The following RAB10 variants were observed in gnomAD, a reference collection of about 807,000 sequenced individuals.
RAB10 encodes RAB10, member RAS oncogene family.
A neutral mutation model predicts 25.7 loss-of-function variants in RAB10; 5 were observed. The ratio of observed to expected loss-of-function variants is 0.19; its 90% CI spans 0.10 to 0.41. The LOEUF is 0.41. RAB10 is among the 10% of genes least tolerant of loss of function. The probability of loss-of-function intolerance (pLI) is 1.00; values close to 1 mark genes in which losing one functional copy is unlikely to be tolerated. For missense variants in RAB10, 103 were observed against 245.8 expected (o/e 0.42, Z 3.89); for synonymous variants, 89 against 86.4 (o/e 1.03, Z -0.16).
At chr2:26,123,077 T>C (rs1426471285) in intron 3 of RAB10, among the ~76,000 whole-genome samples, 1 of 152,132 alleles carries the variant, frequency 6.6e-6, no homozygotes, top group Non-Finnish European at 1.5e-5. Context: ...GGGAAAAGTC[T>C]TTTGAAGCTG....
chr2:26,089,854 A>G (rs4665823), intron 1 of RAB10, among the ~76,000 whole-genome samples: 116,956 of 152,128 alleles, frequency 0.77, 45,024 homozygotes, highest in East Asian at 0.87. Flanking sequence ...CAAGTAGTGT[A>G]CTATAATTGC....
chr2:26,135,106 C>A lies in RAB10; in HGVS notation c.*85C>A. The stretch of plus-strand genomic sequence containing the variant: ...TAAACCACTCTGTCCATTTTTAACT[C>A]TAAACAGATATTTTTGTTTCTCATC... On this transcript the variant is annotated 3_prime_UTR_variant, in exon 6 of 6. Transcript: ENST00000264710. 9.4e-7 allele frequency: 1 copy of A among 1,066,186 alleles called. No individual in the cohort carries two copies. The highest frequency in any genetic ancestry group is 1.3e-6 in the Non-Finnish European group (1 of 747,062). The allele number at this position is 1,066,186 out of a possible 1,614,324, so 66.0% of individuals were successfully genotyped here.
At chr2:26,076,984 A>G (rs992553709) in intron 1 of RAB10, among the ~76,000 whole-genome samples, 1 of 151,800 alleles carries the variant, frequency 6.6e-6, no homozygotes, top group African/African-American at 2.4e-5. Flanking sequence ...AAATAGCACT[A>G]TAAAGAGAGC....
At chr2:26,070,547 A>T (rs1376667595) in intron 1 of RAB10, among the ~76,000 whole-genome samples, 1 of 152,188 alleles carries the variant, frequency 6.6e-6, no homozygotes, top group Non-Finnish European at 1.5e-5. Context: ...AATATTATGA[A>T]GAGGGCAAGC....
intron 1 of RAB10, among the ~76,000 whole-genome samples, chr2:26,060,084 A>G (rs1191960822): frequency 1.3e-5 from 2 of 152,158 alleles, no homozygotes; most frequent in Non-Finnish European, 2.9e-5. Context: ...GTCTTTTAAA[A>G]TCCTCCTTAA....
intron 1 of RAB10, among the ~76,000 whole-genome samples, chr2:26,064,973 T>A (rs3910272): frequency 0.84 from 127,304 of 152,218 alleles, 53,687 homozygotes; most frequent in African/African-American, 0.96. Flanking sequence ...CAGGAGGATC[T>A]CTTCAGCCCA....
At position 26,126,768 on chromosome 2, in the gene RAB10, TA is replaced by T. The variant is rs559829354; in HGVS notation, c.328-372del. Among the ~76,000 whole-genome samples the T allele has an allele frequency of 2.0e-5, 3 of 152,320 alleles. No individual in the cohort carries two copies. In the South Asian group the frequency reaches 6.2e-4, roughly 32 times the overall value. On this transcript the variant is annotated intron_variant, in intron 3 of 5. Coordinates refer to ENST00000264710, the MANE Select transcript of RAB10 (RefSeq NM_016131.5). ...AGCTATTTGAGAGTTTAAGGCTCTA[TA>T]AAATGTTTAATTAAGGCTTCTATAG...
chr2:26,039,725 T>C (rs1387489960), intron 1 of RAB10, among the ~76,000 whole-genome samples: 1 of 151,974 alleles, frequency 6.6e-6, no homozygotes, highest in African/African-American at 2.4e-5. Context: ...ATTTAAAAAT[T>C]GTTGAGGGCA....
chr2:26,107,796 CAAAA>C (rs573306485), intron 2 of RAB10, among the ~76,000 whole-genome samples: 1 of 133,290 alleles, frequency 7.5e-6, no homozygotes, highest in Non-Finnish European at 1.6e-5. Flanking sequence ...AACTCTATCT[CAAAA>C]AAAAAACCCC....
chr2:26,059,302 G>A (rs914874319), intron 1 of RAB10, among the ~76,000 whole-genome samples: 1 of 152,152 alleles, frequency 6.6e-6, no homozygotes, highest in African/African-American at 2.4e-5. Flanking sequence ...TGTTTGAATA[G>A]TCCAGTATGT....
chr2:26,040,349 A>C (rs1019856458), intron 1 of RAB10, among the ~76,000 whole-genome samples: 1 of 152,042 alleles, frequency 6.6e-6, no homozygotes, highest in Non-Finnish European at 1.5e-5. Context: ...CATTCTCTAT[A>C]AATGATTTAT....
At chr2:26,122,106 A>G (rs1347875476) in intron 3 of RAB10, among the ~76,000 whole-genome samples, 1 of 152,192 alleles carries the variant, frequency 6.6e-6, no homozygotes, top group Admixed American at 6.5e-5. Flanking sequence ...ATTACAAGAA[A>G]AAATTGAATT....
chr2:26,035,962 G>A (rs1485200170), intron 1 of RAB10, among the ~76,000 whole-genome samples: 6 of 152,046 alleles, frequency 3.9e-5, no homozygotes, highest in African/African-American at 9.7e-5. Context: ...CCTTTTTTGG[G>A]AGGCAAATTA....
At chr2:26,084,011 C>T (rs763418705) in intron 1 of RAB10, among the ~76,000 whole-genome samples, 14 of 152,258 alleles carry the variant, frequency 9.2e-5, no homozygotes, top group South Asian at 2.1e-4. Context: ...AGAGCTATAC[C>T]GTATTCATGG....
chr2:26,128,821 C>A (rs1667954838), intron 5 of RAB10, among the ~76,000 whole-genome samples: 1 of 121,404 alleles, frequency 8.2e-6, no homozygotes, highest in Admixed American at 9.2e-5. Flanking sequence ...TTGTGACTCT[C>A]AATATTTGCT....
intron 3 of RAB10, among the ~76,000 whole-genome samples, chr2:26,113,206 T>G (rs112413208): frequency 3.3e-5 from 5 of 152,150 alleles, no homozygotes; most frequent in African/African-American, 1.2e-4. Context: ...ACCATATTAA[T>G]AGACGACAAA....
rs1325639378 is a variant in RAB10, at chr2:26,095,334, G to A, written c.128-3328G>A. Among the ~76,000 whole-genome samples the A allele has an allele frequency of 3.3e-5, 5 of 152,138 alleles. No individual in the cohort carries two copies. In the East Asian group the frequency reaches 9.6e-4, roughly 29 times the overall value. On this transcript the variant is annotated intron_variant, in intron 1 of 5. Transcript: ENST00000264710. ...TTAAAAATGCAAGCTCAGGCCGGGC[G>A]CGGTGGCTCATGCCTATAATCCTAG...
intron 2 of RAB10, among the ~76,000 whole-genome samples, chr2:26,103,300 GA>G (rs1487524908): frequency 6.6e-6 from 1 of 152,218 alleles, no homozygotes; most frequent in East Asian, 1.9e-4. Context: ...TTTAAGATAT[GA>G]AAAGATTTTG....
chr2:26,091,296 A>G (rs1194945002), intron 1 of RAB10, among the ~76,000 whole-genome samples: 2 of 152,206 alleles, frequency 1.3e-5, no homozygotes, highest in Non-Finnish European at 2.9e-5. Context: ...GAAGAAGGTT[A>G]GAAGTGTTAA....
Sources: allele counts gnomAD v4.1 joint callset (sites outside exome capture counted in the v4.1 genomes callset), GRCh38; gene constraint gnomAD v4.1.1; transcripts MANE v1.5; gene names NCBI Gene and HGNC (gene_info 2026-07-23, HGNC 2026-07-21).